The following GNA14 variants were observed in gnomAD, a reference collection of about 807,000 sequenced individuals.
GNA14 encodes G protein subunit alpha 14.
GNA14 carries 50 observed loss-of-function variants against 42.0 expected under a neutral mutation model. The ratio of observed to expected loss-of-function variants is 1.19; its 90% CI spans 0.95 to 1.51. GNA14 has a LOEUF of 1.51. Ranked by LOEUF, GNA14 falls within the 40% of genes most tolerant of loss-of-function variation. The pLI is 0.00. For missense variants in GNA14, 473 were observed against 446.2 expected, an observed-to-expected ratio of 1.06 and a Z score of -0.54; for synonymous variants, 173 against 163.1, an observed-to-expected ratio of 1.06 and a Z score of -0.46.
chr9:77,624,130 T>C (rs1164243906), intron 1 of GNA14, among the ~76,000 whole-genome samples: 2 of 152,064 alleles, frequency 1.3e-5, no homozygotes, highest in Non-Finnish European at 2.9e-5. Flanking sequence ...GGTTTCCCCC[T>C]CACAGTGTAA....
At chr9:77,571,441 T>C (rs1823057793) in intron 1 of GNA14, among the ~76,000 whole-genome samples, 1 of 152,198 alleles carries the variant, frequency 6.6e-6, no homozygotes, top group South Asian at 2.1e-4. Flanking sequence ...TCATCCAATA[T>C]GGTGCCTACT....
chr9:77,550,316 G>A (rs73651535), intron 1 of GNA14, among the ~76,000 whole-genome samples: 1 of 152,126 alleles, frequency 6.6e-6, no homozygotes, highest in African/African-American at 2.4e-5. Context: ...ATCTCACTTC[G>A]ATTTGTTTGC....
chr9:77,529,233 T>C lies in GNA14; in HGVS notation c.145A>G (p.Ser49Gly), dbSNP rs773285858. The C allele has an allele frequency of 2.5e-6, 4 of 1,613,818 alleles. No homozygotes were observed. The highest frequency in any genetic ancestry group is 3.4e-6 in the Non-Finnish European group (4 of 1,179,842). ...ATTCTCATCTGCTTGATAAAGGTGCTTTTCCCACTTTCACCAGTTCCTATA... is the reference window on the plus strand; with the variant it reads ...ATTCTCATCTGCTTGATAAAGGTGCCTTTCCCACTTTCACCAGTTCCTATA... ...LLLGTGESGKSTFIKQMRIIH... is the reference protein window; with the variant it reads ...LLLGTGESGKGTFIKQMRIIH... The change falls in exon 2 of 7, where the codon AGC becomes GGC. Residue 49 changes from serine (S) to glycine (G), a missense_variant. Coordinates refer to ENST00000341700, the MANE Select transcript of GNA14 (RefSeq NM_004297.4).
chr9:77,540,205 T>A (rs1837641302), intron 1 of GNA14, among the ~76,000 whole-genome samples: 1 of 152,192 alleles, frequency 6.6e-6, no homozygotes, highest in Non-Finnish European at 1.5e-5. Flanking sequence ...GTTTTAAATT[T>A]CCATCTTAAT....
intron 1 of GNA14, among the ~76,000 whole-genome samples, chr9:77,624,358 A>T (rs974883631): frequency 6.6e-6 from 1 of 152,162 alleles, no homozygotes; most frequent in Non-Finnish European, 1.5e-5. Context: ...GCAAACTTAA[A>T]TGTTCCTGCC....
chr9:77,437,158 A>G (rs1835652465), intron 2 of GNA14, among the ~76,000 whole-genome samples: 1 of 152,256 alleles, frequency 6.6e-6, no homozygotes, highest in Non-Finnish European at 1.5e-5. Context: ...GGCTGTAACA[A>G]ATGCATTTCT....
At chr9:77,619,128 G>A (rs1823882413) in intron 1 of GNA14, among the ~76,000 whole-genome samples, 1 of 152,104 alleles carries the variant, frequency 6.6e-6, no homozygotes, top group South Asian at 2.1e-4. Context: ...CCACTGAACT[G>A]TAAGAGAAGA....
At chr9:77,556,281 A>C (rs1444553024) in intron 1 of GNA14, among the ~76,000 whole-genome samples, 1 of 152,154 alleles carries the variant, frequency 6.6e-6, no homozygotes, top group Non-Finnish European at 1.5e-5. Flanking sequence ...ATGCGTTCAC[A>C]GTTGCATATC....
intron 1 of GNA14, among the ~76,000 whole-genome samples, chr9:77,644,440 A>T (rs923988772): frequency 3.1e-4 from 44 of 139,776 alleles, no homozygotes; most frequent in Non-Finnish European, 6.1e-4. Context: ...AGAGTGTCAA[A>T]AAAAAAAAAA....
intron 2 of GNA14, among the ~76,000 whole-genome samples, chr9:77,485,427 C>T (rs1836641019): frequency 6.6e-6 from 1 of 152,154 alleles, no homozygotes; most frequent in Non-Finnish European, 1.5e-5. Context: ...AAGTCCTGAA[C>T]CTTCAAAGTC....
At chr9:77,570,849 C>A in intron 1 of GNA14, among the ~76,000 whole-genome samples, 1 of 151,118 alleles carries the variant, frequency 6.6e-6, no homozygotes, top group East Asian at 1.9e-4. Context: ...TTTACATTCC[C>A]ACTGGAAATA....
At chr9:77,644,436 T>TAAAAAAAAAAAA (rs1824319608) in intron 1 of GNA14, among the ~76,000 whole-genome samples, 1 of 35,170 alleles carries the variant, frequency 2.8e-5, no homozygotes, top group East Asian at 1.9e-3. Flanking sequence ...CTAAAGAGTG[T>TAAAAAAAAAAAA]CAAAAAAAAA....
chr9:77,433,215 A>G (rs1354649396), intron 3 of GNA14, among the ~76,000 whole-genome samples: 1 of 152,134 alleles, frequency 6.6e-6, no homozygotes, highest in Non-Finnish European at 1.5e-5. Flanking sequence ...ACGTCTGGGG[A>G]AGGGATTTCT....
At chr9:77,424,350 G>A (rs908091778) in intron 6 of GNA14, among the ~76,000 whole-genome samples, 181 bp from the exon 7 acceptor site, 7 of 152,172 alleles carry the variant, frequency 4.6e-5, no homozygotes, top group African/African-American at 1.7e-4. Flanking sequence ...AGCCTCCCAA[G>A]TAGCTGGGAT....
chr9:77,527,924 C>T (rs776773540), intron 2 of GNA14, among the ~76,000 whole-genome samples: 14 of 152,288 alleles, frequency 9.2e-5, no homozygotes, highest in African/African-American at 2.9e-4. Flanking sequence ...CATAAGCCAC[C>T]GTGCCCAGCC....
intron 1 of GNA14, among the ~76,000 whole-genome samples, chr9:77,535,934 A>G (rs1313757032): frequency 6.6e-6 from 1 of 150,436 alleles, no homozygotes; most frequent in Non-Finnish European, 1.5e-5. Context: ...TTATTTCTGC[A>G]TGAATAAAAT....
intron 1 of GNA14, among the ~76,000 whole-genome samples, chr9:77,562,816 C>G (rs1383101348): frequency 1.3e-5 from 2 of 152,162 alleles, no homozygotes; most frequent in Non-Finnish European, 2.9e-5. Context: ...AAGTCATCCT[C>G]TACCCTGATC....
At chr9:77,460,533 T>C (rs1051205420) in intron 2 of GNA14, among the ~76,000 whole-genome samples, 3 of 152,122 alleles carry the variant, frequency 2.0e-5, no homozygotes, top group African/African-American at 7.2e-5. Context: ...ATAAACCAAC[T>C]GGCAAAACTC....
At chr9:77,642,723 C>G (rs902938773) in intron 1 of GNA14, among the ~76,000 whole-genome samples, 2 of 152,094 alleles carry the variant, frequency 1.3e-5, no homozygotes, top group African/African-American at 4.8e-5. Context: ...GAGCCATGAT[C>G]GTGCCATTAC....
Sources: allele counts gnomAD v4.1 joint callset (sites outside exome capture counted in the v4.1 genomes callset), GRCh38; gene constraint gnomAD v4.1.1; transcripts MANE v1.5; gene names NCBI Gene and HGNC (gene_info 2026-07-23, HGNC 2026-07-21).